Variants in CFAP99 observed in about 807,000 individuals in gnomAD.
CFAP99 encodes cilia- and flagella-associated protein 99.
Under a neutral mutation model 82.7 loss-of-function variants are expected in CFAP99, and 84 were observed. The ratio of observed to expected loss-of-function variants is 1.02; its 90% CI spans 0.85 to 1.22. The LOEUF is 1.22. Ranked by LOEUF, CFAP99 falls within the 50% of genes most tolerant of loss-of-function variation. The pLI is 0.00. For missense variants in CFAP99, 1,059 were observed against 983.5 expected, an observed-to-expected ratio of 1.08 and a Z score of -1.03; for synonymous variants, 456 against 429.5, an observed-to-expected ratio of 1.06 and a Z score of -0.76.
intron 4 of CFAP99, among the ~76,000 whole-genome samples, chr4:2,441,650 TA>T (rs1317388713): frequency 6.6e-6 from 1 of 152,184 alleles, no homozygotes; most frequent in Non-Finnish European, 1.5e-5. Flanking sequence ...ATTGCCCACG[TA>T]AATCCCCAAG....
intron 11 of CFAP99, 149 bp downstream of exon 11, chr4:2,452,495 C>T: frequency 1.2e-6 from 1 of 843,208 alleles, no homozygotes; most frequent in South Asian, 1.7e-5. Context: ...TCCTCTTCCT[C>T]CTCGAAGGAC....
intron 11 of CFAP99, 102 bp from the exon 12 acceptor site, chr4:2,458,620 TG>T: frequency 7.2e-7 from 1 of 1,392,388 alleles, no homozygotes; most frequent in East Asian, 2.5e-5. Context: ...GGGCAGGGAC[TG>T]GGTCCACCTT....
intron 4 of CFAP99, among the ~76,000 whole-genome samples, chr4:2,438,986 C>G (rs80191095): frequency 3.9e-5 from 6 of 152,210 alleles, no homozygotes; most frequent in African/African-American, 1.2e-4. Context: ...ATTGGCACCC[C>G]GAGGGGGAGC....
chr4:2,462,807 C>T lies in CFAP99; in HGVS notation c.2026C>T (p.Gln676Ter). 1 of 1,314,222 alleles carries T rather than the reference C, an allele frequency of 7.6e-7. No homozygotes were observed. The highest frequency in any genetic ancestry group is 9.7e-7 in the Non-Finnish European group (1 of 1,034,442). 81.4% of individuals were successfully genotyped at this position (1,314,222 alleles called of 1,614,324 possible). The change falls in exon 15 of 15, where the codon CAG becomes TAG. Residue 676 changes from glutamine to a stop codon, truncating the protein, a stop_gained. Transcript: ENST00000635017. LOFTEE classifies it low-confidence loss of function (END_TRUNC). This position sits in a 1 kb window ranked among gnomAD's most constrained non-coding sequence, Gnocchi z 4.1. Reference sequence around the variant, plus strand: ...CCGCGCCGACGCGTTCCCCGGCCTGCAGGCGCAGCTAGAGGCGCAGCACTG... The same window carrying T: ...CCGCGCCGACGCGTTCCCCGGCCTGTAGGCGCAGCTAGAGGCGCAGCACTG...
At chr4:2,458,661 C>A in intron 11 of CFAP99, 62 bp from the exon 12 acceptor site, 1 of 1,493,060 alleles carries the variant, frequency 6.7e-7, no homozygotes, top group Non-Finnish European at 8.9e-7. Context: ...TGGGCTGGGG[C>A]GGGACCAGGC....
intron 1 of CFAP99, among the ~76,000 whole-genome samples, chr4:2,420,779 T>C (rs546968188): frequency 6.6e-6 from 1 of 152,194 alleles, no homozygotes; most frequent in Non-Finnish European, 1.5e-5. Context: ...GATCAGCTTT[T>C]CTATCTGCCA....
Position 2,446,602 on chromosome 4 carries a change from G to A in CFAP99, c.642+1294G>A, listed in dbSNP as rs1394937729. On this transcript the variant is annotated intron_variant, in intron 6 of 14. Transcript: ENST00000635017. This position sits in a 1 kb window ranked among gnomAD's most constrained non-coding sequence, Gnocchi z 5.0. ...GAGGTAGGGTTTTGTCATGTTGGCC[G>A]GGCTGGTCCCTAACTGACCTCAGGT... Among the ~76,000 whole-genome samples the A allele has an allele frequency of 1.3e-5, 2 of 152,008 alleles. No individual in the cohort carries two copies. Among genetic ancestry groups the A allele is most frequent in the African/African-American group, 4.8e-5 (2 of 41,372 alleles).
At chr4:2,426,820 C>T (rs982941562) in intron 2 of CFAP99, 2 of 525,280 alleles carry the variant, frequency 3.8e-6, no homozygotes, top group South Asian at 4.0e-5. Context: ...CGGGATATGA[C>T]ATCCACACTG....
intron 2 of CFAP99, among the ~76,000 whole-genome samples, chr4:2,434,530 G>A (rs1203766): frequency 0.7 from 106,684 of 152,122 alleles, 38,021 homozygotes; most frequent in East Asian, 0.99. Context: ...AATTTAACAC[G>A]GGGAACCTTG....
intron 4 of CFAP99, among the ~76,000 whole-genome samples, chr4:2,442,035 A>G (rs1428925163): frequency 6.6e-6 from 1 of 151,776 alleles, no homozygotes; most frequent in Non-Finnish European, 1.5e-5. Context: ...CCCCACCCCA[A>G]CTCCAGCAGG....
At chr4:2,460,016 G>A (rs1267777492) in intron 13 of CFAP99, 21 bp from the exon 14 acceptor site, 7 of 1,534,522 alleles carry the variant, frequency 4.6e-6, no homozygotes, top group Non-Finnish European at 6.1e-6. Context: ...CCAGCTTGGG[G>A]CCTCCCCTAC....
Position 2,433,187 on chromosome 4 carries a change from G to A in CFAP99, c.112-3687G>A, listed in dbSNP as rs865915721. ...GCCCTGCCCAACCCGCCTTGCCTGGGGCTGATGGCATAGGGCTCAAGGCTC... is the reference window on the plus strand; with the variant it reads ...GCCCTGCCCAACCCGCCTTGCCTGGAGCTGATGGCATAGGGCTCAAGGCTC... On this transcript the variant is annotated intron_variant, in intron 2 of 14. Transcript: ENST00000635017. Among the ~76,000 whole-genome samples the A allele has an allele frequency of 4.6e-5, 7 of 152,314 alleles. 1 individual carries two copies. The East Asian group carries it at 1.2e-3, about 25-fold the overall frequency.
intron 2 of CFAP99, chr4:2,428,070 A>T (rs1733721680): frequency 1.3e-5 from 2 of 152,532 alleles, no homozygotes; most frequent in South Asian, 4.1e-4. Flanking sequence ...ACTGTGGGGA[A>T]GTGATGCAAA....
At chr4:2,452,096 G>A in intron 10 of CFAP99, 46 bp from the exon 11 acceptor site, 1 of 1,528,162 alleles carries the variant, frequency 6.5e-7, no homozygotes, top group African/African-American at 1.4e-5. Context: ...AGCAGCCTCT[G>A]TCACGGGAGA....
intron 2 of CFAP99, 88 bp from the exon 3 acceptor site, chr4:2,436,785 AC>A: frequency 9.2e-7 from 1 of 1,086,548 alleles, no homozygotes; most frequent in Non-Finnish European, 1.3e-6. Context: ...GGGCCGCTCC[AC>A]CCCTGCCTTT....
At chr4:2,433,039 G>A (rs1733830326) in intron 2 of CFAP99, among the ~76,000 whole-genome samples, 1 of 143,790 alleles carries the variant, frequency 7.0e-6, no homozygotes, top group South Asian at 2.6e-4. Context: ...CCTGGCAGCC[G>A]CCAGCCCAGC....
In CFAP99 at chr4:2,452,361, G is replaced by T; in HGVS notation, c.1161+15G>T. ...AGAAGGAGCAGGTGGGTGCCATGCA[G>T]GGCAGCTGGGCATGGGGCAGCCAGC... is the stretch of plus-strand genomic sequence containing the variant. On this transcript the variant is annotated intron_variant, in intron 11 of 14. Coordinates refer to ENST00000635017, the Ensembl canonical transcript of CFAP99. 1 of 1,531,122 alleles carries T rather than the reference G, an allele frequency of 6.5e-7. No homozygotes were observed. Among genetic ancestry groups the T allele is most frequent in the Non-Finnish European group, 8.7e-7 (1 of 1,144,194 alleles). 94.8% of individuals were successfully genotyped at this position (1,531,122 alleles called of 1,614,324 possible).
chr4:2,457,346 C>T (rs564689325), intron 11 of CFAP99, among the ~76,000 whole-genome samples: 6 of 152,232 alleles, frequency 3.9e-5, no homozygotes, highest in Non-Finnish European at 8.8e-5. Flanking sequence ...TCCATGTGTT[C>T]TACCTTCATT....
At chr4:2,458,014 G>T (rs887288303) in intron 11 of CFAP99, among the ~76,000 whole-genome samples, 1 of 152,142 alleles carries the variant, frequency 6.6e-6, no homozygotes, top group South Asian at 2.1e-4. Flanking sequence ...CCTTTTCTGT[G>T]GACTGCTGCT....
Sources: gnomAD v4.1 joint callset for allele counts (sites outside exome capture counted in the v4.1 genomes callset) on GRCh38, gnomAD v4.1.1 for gene constraint, Gnocchi (gnomAD v3.1) non-coding constraint, MANE v1.5 for transcripts, NCBI Gene and HGNC (gene_info 2026-07-23, HGNC 2026-07-21) for gene names.